Variants in ADGRA3 observed in about 807,000 individuals in gnomAD.
The protein encoded by ADGRA3 is adhesion G protein-coupled receptor A3.
In ADGRA3, 56 loss-of-function variants were observed where a neutral mutation model predicts 119.8. That is an observed-to-expected ratio of 0.47 (90% CI 0.38 to 0.58). ADGRA3 has a LOEUF of 0.58. ADGRA3 is among the 20% of genes least tolerant of loss of function. The probability of loss-of-function intolerance (pLI) is 0.00; values close to 1 mark genes in which losing one functional copy is unlikely to be tolerated. For synonymous variants in ADGRA3, 607 were observed against 623.8 expected, an observed-to-expected ratio of 0.97 and a Z score of 0.40; for missense variants, 1,516 against 1,649.0, an observed-to-expected ratio of 0.92 and a Z score of 1.40.
chr4:22,436,228 G>A (rs1057290637), intron 9 of ADGRA3, among the ~76,000 whole-genome samples: 1 of 151,988 alleles, frequency 6.6e-6, no homozygotes. Flanking sequence ...AAGGCACAAA[G>A]GGAGATGGTG....
intron 2 of ADGRA3, among the ~76,000 whole-genome samples, chr4:22,466,676 C>T (rs13101873): frequency 0.62 from 94,786 of 151,782 alleles, 29,892 homozygotes; most frequent in East Asian, 0.72. Context: ...ATCACACCAC[C>T]GCACTCCAGC....
chr4:22,419,721 T>G (rs1252535195), intron 12 of ADGRA3, among the ~76,000 whole-genome samples: 1 of 152,212 alleles, frequency 6.6e-6, no homozygotes, highest in Non-Finnish European at 1.5e-5. Flanking sequence ...TTTCTCTGTG[T>G]TGCTGTTTCT....
intron 10 of ADGRA3, 85 bp from the exon 11 acceptor site, chr4:22,424,437 G>A (rs952469051): frequency 2.1e-6 from 3 of 1,444,248 alleles, no homozygotes; most frequent in Non-Finnish European, 2.8e-6. Flanking sequence ...TGGACAGTGA[G>A]ATTGGCCTTC....
intron 15 of ADGRA3, among the ~76,000 whole-genome samples, chr4:22,402,224 G>A (rs118108160): frequency 3.3e-5 from 5 of 151,992 alleles, no homozygotes; most frequent in East Asian, 1.9e-4. Flanking sequence ...CATATCCCAC[G>A]CTTAAATGCC....
At chr4:22,396,336 C>G (rs1162657638) in intron 16 of ADGRA3, among the ~76,000 whole-genome samples, 1 of 152,122 alleles carries the variant, frequency 6.6e-6, no homozygotes, top group East Asian at 1.9e-4. Flanking sequence ...TACATTACAA[C>G]CCATTTATAC....
At chr4:22,450,251 C>A (rs144229306) in intron 4 of ADGRA3, among the ~76,000 whole-genome samples, 42 of 151,580 alleles carry the variant, frequency 2.8e-4, no homozygotes, top group African/African-American at 1.0e-3. Flanking sequence ...CCCACCCACC[C>A]CCATCCTTTA....
At chr4:22,405,415 G>A (rs114648621) in intron 14 of ADGRA3, among the ~76,000 whole-genome samples, 5,633 of 151,864 alleles carry the variant, frequency 0.037, 109 homozygotes, top group Middle Eastern at 0.099. Flanking sequence ...GCATGATGGC[G>A]CGTGCCTGTA....
chr4:22,435,658 A>AT (rs1363233888), intron 9 of ADGRA3, among the ~76,000 whole-genome samples, 192 bp from the exon 10 acceptor site: 1 of 152,260 alleles, frequency 6.6e-6, no homozygotes, highest in East Asian at 1.9e-4. Flanking sequence ...CTGGAGGGAA[A>AT]TTTTTTCAAG....
Position 22,508,817 on chromosome 4 carries a change from T to C in ADGRA3, c.257+6711A>G, listed in dbSNP as rs183568768. On this transcript the variant is annotated intron_variant, in intron 1 of 18. Coordinates refer to ENST00000334304, the MANE Select transcript of ADGRA3 (RefSeq NM_145290.4). ...GCAAAAAGATCCTCCCTGCTGACTT[T>C]TCTGCAATCCCCAGTAGGTTCACAT... Among the ~76,000 whole-genome samples the C allele has an allele frequency of 1.5e-3, 233 of 152,282 alleles. 1 individual carries two copies. The highest frequency in any genetic ancestry group is 2.1e-3 in the Non-Finnish European group (144 of 68,016).
At chr4:22,396,284 G>C (rs1375397326) in intron 16 of ADGRA3, among the ~76,000 whole-genome samples, 1 of 152,184 alleles carries the variant, frequency 6.6e-6, no homozygotes, top group Non-Finnish European at 1.5e-5. Context: ...CTGGCTGGTA[G>C]CACCTTTAAT....
chr4:22,418,929 G>T (rs1383278830), intron 12 of ADGRA3, among the ~76,000 whole-genome samples: 2 of 152,130 alleles, frequency 1.3e-5, no homozygotes, highest in African/African-American at 2.4e-5. Flanking sequence ...TAAATAGTAA[G>T]GAAGTATTTC....
intron 12 of ADGRA3, among the ~76,000 whole-genome samples, chr4:22,418,824 T>C (rs1329021198): frequency 6.6e-6 from 1 of 151,740 alleles, no homozygotes; most frequent in Non-Finnish European, 1.5e-5. Flanking sequence ...CCTTCAGGTG[T>C]GAAATGGTGA....
chr4:22,506,130 G>T (rs1024770610), intron 1 of ADGRA3, among the ~76,000 whole-genome samples: 1 of 152,154 alleles, frequency 6.6e-6, no homozygotes, highest in Admixed American at 6.5e-5. Context: ...AAAACCAGGG[G>T]TGCTGAAGAT....
chr4:22,421,023 T>C lies in ADGRA3; in HGVS notation c.1672A>G (p.Thr558Ala), dbSNP rs777841628. The C allele has an allele frequency of 1.2e-6, 2 of 1,613,940 alleles. No individual in the cohort carries two copies. Among genetic ancestry groups the C allele is most frequent in the South Asian group, 2.2e-5 (2 of 91,084 alleles). The change falls in exon 12 of 19, where the codon ACC (threonine) becomes GCC (alanine). Residue 558 changes from threonine to alanine, a missense_variant. Thr to Ala is a moderately conservative substitution (Grantham distance 58). Around this residue, in one of 2 missense-constraint regions of ADGRA3, gnomAD observed 1,088 missense variants for 1,107.1 expected, o/e 0.98. Transcript: ENST00000334304. ...KSTGFTGMTC[T>A]VFQKVAASDR... ...GAGGCTGCCACTTTCTGGAACACGG[T>C]ACAGGTCATCCCCGTGAAGCCAGTA... is the stretch of plus-strand genomic sequence containing the variant.
In ADGRA3 at chr4:22,468,496, G is replaced by A. The variant is rs561908825; in HGVS notation, c.329+5276C>T. 3.9e-5 allele frequency among the ~76,000 whole-genome samples: 6 copies of A among 152,292 alleles called. No homozygotes were observed. In the South Asian group the frequency reaches 1.2e-3, roughly 32 times the overall value. On this transcript the variant is annotated intron_variant, in intron 2 of 18. Coordinates refer to ENST00000334304, the MANE Select transcript of ADGRA3 (RefSeq NM_145290.4). ...GAAGACAGAGATGGGACTCGGTGCG[G>A]TGGTTCACACATCTGTAATCCCAGC...
chr4:22,400,770 T>C (rs1450122283), intron 16 of ADGRA3, among the ~76,000 whole-genome samples: 1 of 151,816 alleles, frequency 6.6e-6, no homozygotes, highest in Non-Finnish European at 1.5e-5. Flanking sequence ...ACACAGCCGA[T>C]AAATGGTAAA....
chr4:22,479,844 A>G (rs1207195305), intron 1 of ADGRA3, among the ~76,000 whole-genome samples: 2 of 152,222 alleles, frequency 1.3e-5, no homozygotes, highest in Non-Finnish European at 2.9e-5. Context: ...TGTCCTTTGC[A>G]GGGACATGGA....
At chr4:22,475,800 G>A (rs1488556274) in intron 1 of ADGRA3, among the ~76,000 whole-genome samples, 1 of 152,058 alleles carries the variant, frequency 6.6e-6, no homozygotes, top group African/African-American at 2.4e-5. Flanking sequence ...ATGCGGATGA[G>A]GGATAAGACT....
At chr4:22,442,244 G>C (rs1345105598) in intron 7 of ADGRA3, among the ~76,000 whole-genome samples, 1 of 152,040 alleles carries the variant, frequency 6.6e-6, no homozygotes, top group Non-Finnish European at 1.5e-5. Flanking sequence ...TTTTATACTA[G>C]TAGGTGGAGA....
Sources: allele counts gnomAD v4.1 joint callset (sites outside exome capture counted in the v4.1 genomes callset), GRCh38; gene constraint gnomAD v4.1.1; regional missense constraint gnomAD v4.1.1; transcripts MANE v1.5; gene names NCBI Gene and HGNC (gene_info 2026-07-23, HGNC 2026-07-21).